Variants in ARHGEF16 observed in about 807,000 individuals in gnomAD.
ARHGEF16 encodes the protein Rho guanine nucleotide exchange factor 16.
A neutral mutation model predicts 74.1 loss-of-function variants in ARHGEF16; 59 were observed. The observed-to-expected ratio is 0.80, with a 90% confidence interval of 0.65 to 0.99. ARHGEF16 has a LOEUF of 0.99. ARHGEF16 is among the 50% of genes least tolerant of loss of function. The pLI is 0.00. For missense variants in ARHGEF16, 948 were observed against 986.6 expected (o/e 0.96, Z 0.52); for synonymous variants, 415 against 412.6 (o/e 1.01, Z -0.07).
intron 12 of ARHGEF16, 116 bp from the exon 13 acceptor site, chr1:3,479,400 AC>A (rs1639991121): frequency 2.9e-6 from 3 of 1,034,478 alleles, no homozygotes; most frequent in Non-Finnish European, 2.7e-6. Context: ...ACTCCTGCCC[AC>A]CCCCACCACC....
rs773056587 is a variant in ARHGEF16, at chr1:3,474,730, G to C, written c.1328G>C (p.Gly443Ala). Residue 443 changes from glycine (G) to alanine (A), a missense_variant, in exon 9 of 15, where the codon GGC becomes GCC. Physicochemically the swap from Gly to Ala is moderately conservative, Grantham distance 60 (BLOSUM62 0). Coordinates refer to ENST00000378378, the MANE Select transcript of ARHGEF16 (RefSeq NM_014448.4). ...CAGACGCTCTGCCTCAAGACCCAGG[G>C]CCACTCCGAAAGGTACAAGGCTGCC... ...LMDTLCLKTQ[G>A]HSERYKAASR... is the part of the protein sequence containing the mutation. 1.2e-6 allele frequency: 2 copies of C among 1,612,890 alleles called. No individual in the cohort carries two copies. The highest frequency in any genetic ancestry group is 1.7e-6 in the Non-Finnish European group (2 of 1,179,978).
intron 6 of ARHGEF16, chr1:3,472,752 A>C: frequency 1.6e-5 from 4 of 254,648 alleles, no homozygotes; most frequent in East Asian, 9.2e-5. Context: ...CCAGGACAGG[A>C]GGTCCAAATG....
At chr1:3,471,846 A>G in intron 6 of ARHGEF16, 4 of 1,040,018 alleles carry the variant, frequency 3.8e-6, no homozygotes, top group Non-Finnish European at 4.7e-6. Context: ...GCAGTCACCC[A>G]TATGAGCTGC....
Position 3,480,980 on chromosome 1 carries a change from T to A in ARHGEF16, c.*393T>A. On this transcript the variant is annotated 3_prime_UTR_variant, in exon 15 of 15. Coordinates refer to ENST00000378378, the MANE Select transcript of ARHGEF16 (RefSeq NM_014448.4). The stretch of plus-strand genomic sequence containing the variant: ...TCTCCTCCTATGCCCTTCCTACCCC[T>A]GAGTGGGACAAGAAGGGCCCTGAGT... 5.1e-6 allele frequency: 1 copy of A among 197,266 alleles called. No individual in the cohort carries two copies. The highest frequency in any genetic ancestry group is 1.0e-5 in the Non-Finnish European group (1 of 97,798). 12.2% of individuals were successfully genotyped at this position (197,266 alleles called of 1,614,324 possible). A position where few individuals can be genotyped will look rare whatever the true frequency, so the allele number is the denominator to read the frequency against.
chr1:3,480,906 C>T lies in ARHGEF16; in HGVS notation c.*319C>T, dbSNP rs1031057991. On this transcript the variant is annotated 3_prime_UTR_variant, in exon 15 of 15. Transcript: ENST00000378378. ...CACCCAGGGGGCAACTCCACCTGGA[C>T]TGATGGGCACAGGAGGCACCAATAG... 8.8e-5 allele frequency: 38 copies of T among 433,964 alleles called. No individual in the cohort carries two copies. Among genetic ancestry groups the T allele is most frequent in the African/African-American group, 7.2e-4 (36 of 49,942 alleles). The allele number at this position is 433,964 out of a possible 1,614,324, so 26.9% of individuals were successfully genotyped here.
chr1:3,468,046 T>C (rs548837027), intron 4 of ARHGEF16, among the ~76,000 whole-genome samples: 2 of 152,048 alleles, frequency 1.3e-5, no homozygotes, highest in East Asian at 3.9e-4. Flanking sequence ...AGGCCCAGCG[T>C]GGGGTGAGGG....
chr1:3,478,411 C>T lies in ARHGEF16; in HGVS notation c.1626-13C>T, dbSNP rs373342200. 1.1e-5 allele frequency: 18 copies of T among 1,581,014 alleles called. No homozygotes were observed. In the African/African-American group the frequency reaches 1.2e-4, roughly 11 times the overall value. On this transcript the variant is annotated splice_polypyrimidine_tract_variant and intron_variant, in intron 11 of 14. Coordinates refer to ENST00000378378, the MANE Select transcript of ARHGEF16 (RefSeq NM_014448.4). ...GGGTGGGACCGTCCCACCGACTGCCCGTGTCTCCACAGCGAGGAGAGCTAC... is the reference window on the plus strand; with the variant it reads ...GGGTGGGACCGTCCCACCGACTGCCTGTGTCTCCACAGCGAGGAGAGCTAC...
intron 5 of ARHGEF16, 103 bp downstream of exon 5, chr1:3,469,039 G>A (rs1402117075): frequency 1.9e-5 from 27 of 1,395,442 alleles, no homozygotes; most frequent in South Asian, 3.7e-5. Context: ...ATCCCTCTGC[G>A]GCCACCTCCA....
At chr1:3,471,195 AG>A (rs1249149514) in intron 6 of ARHGEF16, among the ~76,000 whole-genome samples, 1 of 151,860 alleles carries the variant, frequency 6.6e-6, no homozygotes, top group Non-Finnish European at 1.5e-5. Flanking sequence ...TATATGCAGG[AG>A]GACCCCGGAG....
chr1:3,478,178 T>C (rs1639946729), intron 11 of ARHGEF16, 152 bp downstream of exon 11: 2 of 1,157,398 alleles, frequency 1.7e-6, no homozygotes, highest in Non-Finnish European at 2.5e-6. Flanking sequence ...TACGTGACAC[T>C]CGGGGGCAGG....
chr1:3,474,689 A>G lies in ARHGEF16; in HGVS notation c.1306-19A>G. On this transcript the variant is annotated intron_variant, in intron 8 of 14. Coordinates refer to ENST00000378378, the MANE Select transcript of ARHGEF16 (RefSeq NM_014448.4). ...GATGCCAGAGGGGACTTTCTGTCCC[A>G]TGTCTGTTGTCCATCCAGACGCTCT... 1.2e-6 allele frequency: 2 copies of G among 1,610,132 alleles called. No individual in the cohort carries two copies. The highest frequency in any genetic ancestry group is 1.7e-6 in the Non-Finnish European group (2 of 1,177,492).
At chr1:3,471,842 A>G (rs72633372) in intron 6 of ARHGEF16, 85,709 of 1,045,376 alleles carry the variant, frequency 0.082, 3,922 homozygotes, top group East Asian at 0.21. Flanking sequence ...ACCTGCAGTC[A>G]CCCATATGAG....
At position 3,478,033 on chromosome 1, in the gene ARHGEF16, T is replaced by G; in HGVS notation, c.1625+7T>G. ...TTGTGACCAAGAAGAAGAGGTGGCC[T>G]TAGGGCAGGAGGGTGTGGGGAGCCC... On this transcript the variant is annotated splice_region_variant and intron_variant, in intron 11 of 14. Coordinates refer to ENST00000378378, the MANE Select transcript of ARHGEF16 (RefSeq NM_014448.4). 6.2e-7 allele frequency: 1 copy of G among 1,612,658 alleles called. No individual in the cohort carries two copies. The highest frequency in any genetic ancestry group is 1.7e-5 in the Admixed American group (1 of 60,018).
At chr1:3,470,898 C>G (rs1309292751) in intron 6 of ARHGEF16, among the ~76,000 whole-genome samples, 4 of 105,216 alleles carry the variant, frequency 3.8e-5, no homozygotes, top group Non-Finnish European at 5.8e-5. Context: ...GTGTGTGTGC[C>G]TGGCCAGGGG....
chr1:3,465,023 C>T lies in ARHGEF16; in HGVS notation c.589-1125C>T, dbSNP rs75158030. Among the ~76,000 whole-genome samples, 1,431 of 152,310 alleles carry T rather than the reference C, an allele frequency of 9.4e-3. 133 individuals carry two copies. The East Asian group carries it at 0.21, about 22-fold the overall frequency. On this transcript the variant is annotated intron_variant, in intron 2 of 14. Transcript: ENST00000378378. ...AGCTCTCTCTTGTGCCTACCTGAGA[C>T]GCCCAGGACTCAGAAATGCCTCAGC...
chr1:3,457,775 C>T (rs922405066), intron 1 of ARHGEF16, among the ~76,000 whole-genome samples: 10 of 152,310 alleles, frequency 6.6e-5, no homozygotes, highest in East Asian at 1.9e-4. Context: ...CCATGGATTC[C>T]GCCTGCTCGC....
At chr1:3,474,521 G>A in intron 8 of ARHGEF16, 187 bp from the exon 9 acceptor site, 1 of 596,486 alleles carries the variant, frequency 1.7e-6, no homozygotes, top group East Asian at 2.8e-5. Flanking sequence ...AACCTGGCCT[G>A]ACCTGGCAGA....
Position 3,463,107 on chromosome 1 carries a change from G to A in ARHGEF16, c.23G>A (p.Ser8Asn). MAQRHSD[S>N]SLEEKLLGHR... is the part of the protein sequence containing the mutation. ...AGCATGGCCCAGCGGCACTCAGACA[G>A]CTCCTTGGAGGAGAAGCTCCTGGGA... Residue 8 changes from serine (S) to asparagine (N), a missense_variant, in exon 2 of 15, where the codon AGC becomes AAC. Coordinates refer to ENST00000378378, the MANE Select transcript of ARHGEF16 (RefSeq NM_014448.4). 6.8e-7 allele frequency: 1 copy of A among 1,461,902 alleles called. No individual in the cohort carries two copies. The highest frequency in any genetic ancestry group is 9.1e-7 in the Non-Finnish European group (1 of 1,101,726). 90.6% of individuals were successfully genotyped at this position (1,461,902 alleles called of 1,614,324 possible).
chr1:3,459,474 G>A (rs1369515565), intron 1 of ARHGEF16, among the ~76,000 whole-genome samples: 1 of 152,212 alleles, frequency 6.6e-6, no homozygotes, highest in Non-Finnish European at 1.5e-5. Context: ...TGGCTCCCAT[G>A]TGGCTTCCTG....
Sources: gnomAD v4.1 joint callset for allele counts (sites outside exome capture counted in the v4.1 genomes callset) on GRCh38, gnomAD v4.1.1 for gene constraint, MANE v1.5 for transcripts, NCBI Gene and HGNC (gene_info 2026-07-23, HGNC 2026-07-21) for gene names.